The following CMTR1 variants were observed in gnomAD, a reference collection of about 807,000 sequenced individuals.
CMTR1 encodes the protein cap-specific mRNA (nucleoside-2'-O-)-methyltransferase 1.
A neutral mutation model predicts 107.0 loss-of-function variants in CMTR1; 39 were observed. That is an observed-to-expected ratio of 0.36 (90% CI 0.28 to 0.48). The LOEUF is 0.48. Among genes scored for constraint, CMTR1 ranks in the 20% least tolerant of loss-of-function variants. The pLI, the probability that CMTR1 is intolerant of heterozygous loss-of-function variation, is 0.99. For missense variants in CMTR1, 672 were observed against 1,064.9 expected (o/e 0.63, Z 5.14); for synonymous variants, 366 against 379.5 (o/e 0.96, Z 0.41).
At position 37,457,824 on chromosome 6, in the gene CMTR1, C is replaced by T. The variant is rs1761327194; in HGVS notation, c.778-788C>T. On this transcript the variant is annotated intron_variant, in intron 8 of 23. Coordinates refer to ENST00000373451, the MANE Select transcript of CMTR1 (RefSeq NM_015050.3). ...GGGAGAGGGTGTTAGAGCCCCCCAGCCTTTGGTTGGACAGGAAGACCTGAG... is the reference window on the plus strand; with the variant it reads ...GGGAGAGGGTGTTAGAGCCCCCCAGTCTTTGGTTGGACAGGAAGACCTGAG... 1.3e-5 allele frequency among the ~76,000 whole-genome samples: 2 copies of T among 152,202 alleles called. 1 individual carries two copies. The highest frequency in any genetic ancestry group is 4.2e-4 in the South Asian group (2 of 4,818).
At position 37,458,770 on chromosome 6, in the gene CMTR1, C is replaced by A. The variant is rs1761346558; in HGVS notation, c.936C>A (p.Asp312Glu). 1 of 1,614,058 alleles carries A rather than the reference C, an allele frequency of 6.2e-7. No individual in the cohort carries two copies. The highest frequency in any genetic ancestry group is 8.5e-7 in the Non-Finnish European group (1 of 1,180,060). ...LKGPNDFKLE[D>E]FYSASSELFE... The stretch of plus-strand genomic sequence containing the variant: ...GCCCTAATGACTTCAAGCTGGAGGA[C>A]TTCTACTCTGCTTCCAGTGAACTCT... The change falls in exon 9 of 24, where the codon GAC becomes GAA. Residue 312 changes from aspartate to glutamate, a missense_variant. Asp to Glu is a conservative substitution (Grantham distance 45, BLOSUM62 2). Around this residue, in one of 2 missense-constraint regions of CMTR1, gnomAD observed 583 missense variants for 968.4 expected, o/e 0.60. Transcript: ENST00000373451. The surrounding 1 kb of genome is among the most constrained non-coding windows in gnomAD (Gnocchi z 4.7).
intron 12 of CMTR1, 71 bp from the exon 13 acceptor site, chr6:37,462,758 G>A (rs972492920): frequency 6.9e-7 from 1 of 1,444,112 alleles, no homozygotes; most frequent in Non-Finnish European, 9.7e-7. Flanking sequence ...GATTCCACAA[G>A]GGGTTGGGGG....
At chr6:37,475,212 T>G in intron 18 of CMTR1, 109 bp from the exon 19 acceptor site, 2 of 850,218 alleles carry the variant, frequency 2.4e-6, no homozygotes, top group Non-Finnish European at 3.9e-6. Flanking sequence ...TTTAGAGCCC[T>G]ACCCTTCCCC....
At chr6:37,478,566 TCTC>T in intron 22 of CMTR1, 45 bp downstream of exon 22, 1 of 1,501,968 alleles carries the variant, frequency 6.7e-7, no homozygotes, top group Non-Finnish European at 9.3e-7. Flanking sequence ...CCCTCTCCCC[TCTC>T]CTCGCCAGGT....
intron 3 of CMTR1, among the ~76,000 whole-genome samples, chr6:37,444,734 T>C (rs1320915033): frequency 2.6e-5 from 4 of 152,076 alleles, no homozygotes; most frequent in Admixed American, 6.5e-5. Flanking sequence ...TTTAGAAATA[T>C]TATAGTTGGG....
In CMTR1 at chr6:37,481,498, C is replaced by T; in HGVS notation, c.*1353C>T. The T allele has an allele frequency of 9.0e-7, 1 of 1,109,374 alleles. No homozygotes were observed. Among genetic ancestry groups the T allele is most frequent in the Non-Finnish European group, 1.1e-6 (1 of 902,858 alleles). 68.7% of individuals were successfully genotyped at this position (1,109,374 alleles called of 1,614,324 possible). On this transcript the variant is annotated 3_prime_UTR_variant, in exon 24 of 24. Transcript: ENST00000373451. ...AGAATCTTGGATCATTAAAGATAAA[C>T]ATATTTTTAATGCCTGTGTGGCTCT...
At chr6:37,446,176 T>G in intron 3 of CMTR1, 115 bp from the exon 4 acceptor site, 1 of 1,159,448 alleles carries the variant, frequency 8.6e-7, no homozygotes, top group Non-Finnish European at 1.2e-6. Context: ...AAGACAAACT[T>G]TAGACTTTAA....
intron 21 of CMTR1, 96 bp downstream of exon 21, chr6:37,477,735 C>CGGGGG: frequency 5.4e-6 from 2 of 373,512 alleles, no homozygotes; most frequent in Non-Finnish European, 9.2e-6. Flanking sequence ...GGGTCGGGGG[C>CGGGGG]GGGGGGTGGT....
upstream of CMTR1, among the ~76,000 whole-genome samples, chr6:37,431,094 G>T (rs1331403147): frequency 6.6e-6 from 1 of 151,188 alleles, no homozygotes; most frequent in Non-Finnish European, 1.5e-5. Flanking sequence ...TATTCATTGG[G>T]TATACTCATA....
intron 19 of CMTR1, 139 bp downstream of exon 19, chr6:37,475,551 T>C (rs1761720774): frequency 2.8e-6 from 2 of 704,512 alleles, no homozygotes; most frequent in African/African-American, 3.6e-5. Flanking sequence ...TCCCACCCAC[T>C]GACTGGTCCC....
At chr6:37,459,714 C>G (rs546430261) in intron 10 of CMTR1, 30 bp downstream of exon 10, 7 of 1,433,624 alleles carry the variant, frequency 4.9e-6, no homozygotes, top group Non-Finnish European at 3.0e-6. Flanking sequence ...TAGACTGATG[C>G]ATTAAGGATT....
At chr6:37,475,232 G>A (rs1761712128) in intron 18 of CMTR1, 89 bp from the exon 19 acceptor site, 1 of 1,013,878 alleles carries the variant, frequency 9.9e-7, no homozygotes, top group Non-Finnish European at 1.5e-6. Flanking sequence ...CCAGCTGTAG[G>A]CAGAATGGAG....
intron 22 of CMTR1, 53 bp from the exon 23 acceptor site, chr6:37,479,094 T>C: frequency 7.6e-7 from 1 of 1,322,398 alleles, no homozygotes; most frequent in African/African-American, 1.4e-5. Flanking sequence ...ACGCCTGTCC[T>C]CCACAAGTGC....
At position 37,446,369 on chromosome 6, in the gene CMTR1, C is replaced by A; in HGVS notation, c.364C>A (p.Gln122Lys). Residue 122 changes from glutamine (Q) to lysine (K), a missense_variant, in exon 4 of 24, where the codon CAG (glutamine) becomes AAG (lysine). Transcript: ENST00000373451. ...GRKDIVEASS[Q>K]KGRRGLGLTL... Reference sequence around the variant, plus strand: ...GAAGGACATCGTTGAGGCTTCCAGTCAGAAAGGTCGAAGAGGCTTGGGTCT... The same window carrying A: ...GAAGGACATCGTTGAGGCTTCCAGTAAGAAAGGTCGAAGAGGCTTGGGTCT... 1 of 1,614,172 alleles carries A rather than the reference C, an allele frequency of 6.2e-7. No homozygotes were observed. The highest frequency in any genetic ancestry group is 1.1e-5 in the South Asian group (1 of 91,078).
intron 4 of CMTR1, among the ~76,000 whole-genome samples, chr6:37,448,643 G>GC (rs1473420142): frequency 6.6e-6 from 1 of 152,166 alleles, no homozygotes; most frequent in Non-Finnish European, 1.5e-5. Context: ...TCAAGACCTT[G>GC]CATTGTGATA....
chr6:37,471,892 C>T lies in CMTR1; in HGVS notation c.1608C>T (p.Leu536=). 1 of 1,613,528 alleles carries T rather than the reference C, an allele frequency of 6.2e-7. No individual in the cohort carries two copies. Among genetic ancestry groups the T allele is most frequent in the Non-Finnish European group, 8.5e-7 (1 of 1,179,894 alleles). ...PRQAEIRKEC[L]RLWGIPDQAR... The stretch of plus-strand genomic sequence containing the variant: ...AGGCAGAGATACGGAAGGAGTGCCT[C>T]CGACTCTGGGGGGTGAGTATCTCCC... The change falls in exon 15 of 24, where the codon CTC becomes CTT. Residue 536 remains leucine (L), a synonymous_variant. Transcript: ENST00000373451.
chr6:37,448,229 AAG>A (rs1554198264), intron 4 of CMTR1, among the ~76,000 whole-genome samples: 2 of 151,194 alleles, frequency 1.3e-5, no homozygotes, highest in African/African-American at 4.9e-5. Flanking sequence ...AAAAAAAAAA[AAG>A]AGGTCAAGTG....
intron 2 of CMTR1, 131 bp from the exon 3 acceptor site, chr6:37,443,868 C>T (rs1457759668): frequency 1.0e-6 from 1 of 990,844 alleles, no homozygotes; most frequent in African/African-American, 1.7e-5. Flanking sequence ...ATAGATTTGA[C>T]CTTGGGTCAT....
chr6:37,424,055 C>CT, the CMTR1 span, among the ~76,000 whole-genome samples: 5 of 151,796 alleles, frequency 3.3e-5, no homozygotes, highest in African/African-American at 7.3e-5. Flanking sequence ...CACAGGTAGC[C>CT]TTTTTTTTAT....
Sources: gnomAD v4.1 joint callset for allele counts (sites outside exome capture counted in the v4.1 genomes callset) on GRCh38, gnomAD v4.1.1 for gene constraint, gnomAD v4.1.1 regional missense constraint, Gnocchi (gnomAD v3.1) non-coding constraint, MANE v1.5 for transcripts, NCBI Gene and HGNC (gene_info 2026-07-23, HGNC 2026-07-21) for gene names.